The following FRMD4A variants were observed in gnomAD, a reference collection of about 807,000 sequenced individuals.
The protein encoded by FRMD4A is FERM domain-containing protein 4A.
In FRMD4A, 29 loss-of-function variants were observed where a neutral mutation model predicts 129.1. That is an observed-to-expected ratio of 0.22 (90% CI 0.17 to 0.31). The LOEUF (loss-of-function observed/expected upper bound fraction) is 0.31. FRMD4A is among the 10% of genes least tolerant of loss of function. The pLI, the probability that FRMD4A is intolerant of heterozygous loss-of-function variation, is 1.00. For synonymous variants in FRMD4A, 634 were observed against 571.6 expected (o/e 1.11, Z -1.56); for missense variants, 1,272 against 1,375.8 (o/e 0.92, Z 1.19).
At chr10:14,255,115 G>T (rs767086718) in intron 2 of FRMD4A, among the ~76,000 whole-genome samples, 2 of 152,196 alleles carry the variant, frequency 1.3e-5, no homozygotes, top group Non-Finnish European at 2.9e-5. Context: ...CTATCTGTTG[G>T]TTGCTAAAAT....
intron 3 of FRMD4A, among the ~76,000 whole-genome samples, chr10:13,850,568 T>G (rs1162588954): frequency 1.3e-5 from 2 of 152,242 alleles, no homozygotes. Flanking sequence ...TTCACAGGAA[T>G]GAAATGACCT....
intron 12 of FRMD4A, among the ~76,000 whole-genome samples, chr10:13,720,446 A>G (rs1350732301): frequency 6.6e-6 from 1 of 152,200 alleles, no homozygotes; most frequent in African/African-American, 2.4e-5. Flanking sequence ...ATGATTAGAT[A>G]TTCTGCTCCG....
At chr10:13,922,620 A>G (rs139484697) in intron 2 of FRMD4A, among the ~76,000 whole-genome samples, 531 of 152,352 alleles carry the variant, frequency 3.5e-3, no homozygotes, top group Middle Eastern at 6.8e-3. Context: ...TACTTGAACT[A>G]GAGGGCAAAA....
At chr10:13,698,246 G>T (rs1379179292) in intron 14 of FRMD4A, among the ~76,000 whole-genome samples, 1 of 152,162 alleles carries the variant, frequency 6.6e-6, no homozygotes, top group Non-Finnish European at 1.5e-5. Flanking sequence ...GACCTCACTT[G>T]TCTCTCTAGG....
chr10:14,207,759 G>A (rs1036745996), intron 2 of FRMD4A, among the ~76,000 whole-genome samples: 3 of 151,600 alleles, frequency 2.0e-5, no homozygotes, highest in Admixed American at 1.3e-4. Context: ...AACACACAAT[G>A]TATTAGTAGG....
intron 2 of FRMD4A, among the ~76,000 whole-genome samples, chr10:14,018,638 G>A (rs543466809): frequency 6.6e-5 from 10 of 152,182 alleles, no homozygotes; most frequent in Admixed American, 6.5e-4. Context: ...ATGAATGGTA[G>A]AATGAAGAAC....
intron 2 of FRMD4A, among the ~76,000 whole-genome samples, chr10:13,953,152 A>G (rs2095385176): frequency 6.6e-6 from 1 of 152,178 alleles, no homozygotes; most frequent in Admixed American, 6.5e-5. Flanking sequence ...TTTTATGATA[A>G]TGCCGTTTTC....
intron 4 of FRMD4A, among the ~76,000 whole-genome samples, chr10:13,807,195 A>G (rs1231525542): frequency 6.6e-6 from 1 of 152,208 alleles, no homozygotes; most frequent in East Asian, 1.9e-4. Context: ...GTTTGCATGT[A>G]TCACCACGAT....
chr10:14,102,292 C>T (rs981834120), intron 2 of FRMD4A, among the ~76,000 whole-genome samples: 1 of 152,118 alleles, frequency 6.6e-6, no homozygotes, highest in African/African-American at 2.4e-5. Flanking sequence ...CTCGGGAGGC[C>T]AAGGCAGGCA....
intron 12 of FRMD4A, among the ~76,000 whole-genome samples, chr10:13,722,317 G>T (rs140501099): frequency 3.4e-5 from 5 of 147,594 alleles, no homozygotes; most frequent in Admixed American, 6.9e-5. Flanking sequence ...CTGCAGCCTC[G>T]AATTCCTGGG....
intron 2 of FRMD4A, among the ~76,000 whole-genome samples, chr10:14,291,678 A>G (rs1470201285): frequency 1.3e-5 from 2 of 152,176 alleles, no homozygotes; most frequent in Non-Finnish European, 2.9e-5. Flanking sequence ...GTATATTTAT[A>G]CAAAAACCTT....
intron 4 of FRMD4A, among the ~76,000 whole-genome samples, chr10:13,800,636 C>T (rs2093232156): frequency 6.6e-6 from 1 of 152,196 alleles, no homozygotes; most frequent in Non-Finnish European, 1.5e-5. Flanking sequence ...AGTGACCACA[C>T]ACACTGCAAG....
At chr10:13,874,105 G>A (rs949354959) in intron 2 of FRMD4A, among the ~76,000 whole-genome samples, 2 of 151,426 alleles carry the variant, frequency 1.3e-5, no homozygotes, top group African/African-American at 4.8e-5. Flanking sequence ...AATTAGCTGG[G>A]CTTGTTGGCA....
At chr10:14,232,531 AG>A (rs557960737) in intron 2 of FRMD4A, among the ~76,000 whole-genome samples, 10,959 of 152,230 alleles carry the variant, frequency 0.072, 433 homozygotes, top group Middle Eastern at 0.11. Flanking sequence ...TAGTATGGAC[AG>A]GTATTGATTC....
chr10:14,201,957 C>T (rs1425233308), intron 2 of FRMD4A, among the ~76,000 whole-genome samples: 4 of 151,844 alleles, frequency 2.6e-5, no homozygotes, highest in Admixed American at 6.6e-5. Flanking sequence ...GGTGAAACGC[C>T]GTCTCTACTG....
chr10:13,887,981 A>C (rs1360811632), intron 2 of FRMD4A, among the ~76,000 whole-genome samples: 1 of 152,230 alleles, frequency 6.6e-6, no homozygotes, highest in Non-Finnish European at 1.5e-5. Flanking sequence ...ATTTTTGATA[A>C]GCTGGATTTA....
At chr10:14,004,819 C>T (rs1238246781) in intron 2 of FRMD4A, among the ~76,000 whole-genome samples, 4 of 152,068 alleles carry the variant, frequency 2.6e-5, no homozygotes, top group Non-Finnish European at 4.4e-5. Flanking sequence ...TAGTAAAACT[C>T]GTAAATAGCA....
At chr10:13,778,062 A>G (rs930536418) in intron 6 of FRMD4A, among the ~76,000 whole-genome samples, 1 of 151,690 alleles carries the variant, frequency 6.6e-6, no homozygotes, top group South Asian at 2.1e-4. Flanking sequence ...CTGCCTCCCA[A>G]AGTGCTGGGA....
chr10:14,045,730 A>G (rs1448257524), intron 2 of FRMD4A, among the ~76,000 whole-genome samples: 1 of 146,128 alleles, frequency 6.8e-6, no homozygotes, highest in Non-Finnish European at 1.5e-5. Flanking sequence ...TATATTAGAT[A>G]TAATTGTCTA....
Sources: allele counts gnomAD v4.1 joint callset (sites outside exome capture counted in the v4.1 genomes callset), GRCh38; gene constraint gnomAD v4.1.1; transcripts MANE v1.5; gene names NCBI Gene and HGNC (gene_info 2026-07-23, HGNC 2026-07-21).